SP3: variants seen among roughly 807,000 people sequenced by gnomAD.
SP3 encodes transcription factor Sp3.
In SP3, 10 loss-of-function variants were observed where a neutral mutation model predicts 70.3. The ratio of observed to expected loss-of-function variants is 0.14; its 90% CI spans 0.09 to 0.24. SP3 has a LOEUF of 0.24. SP3 is among the 10% of genes least tolerant of loss of function. SP3 has a pLI of 1.00. For missense variants in SP3, 825 were observed against 914.6 expected, an observed-to-expected ratio of 0.90 and a Z score of 1.26; for synonymous variants, 402 against 333.5, an observed-to-expected ratio of 1.21 and a Z score of -2.24.
At chr2:173,943,374 T>C (rs928422022) in intron 4 of SP3, among the ~76,000 whole-genome samples, 2 of 152,240 alleles carry the variant, frequency 1.3e-5, no homozygotes, top group African/African-American at 4.8e-5. Context: ...GACAGGCTCC[T>C]TTATCAATGT....
intron 4 of SP3, among the ~76,000 whole-genome samples, chr2:173,937,107 A>G (rs1256529185): frequency 6.6e-6 from 1 of 152,208 alleles, no homozygotes; most frequent in African/African-American, 2.4e-5. Context: ...TCTACAGACA[A>G]TACAAAAAAA....
intron 5 of SP3, chr2:173,914,349 G>C (rs1318783918): frequency 6.6e-6 from 1 of 151,708 alleles, no homozygotes; most frequent in Non-Finnish European, 1.5e-5. Flanking sequence ...GGCATATCCT[G>C]TAAAACTTTC....
intron 3 of SP3, among the ~76,000 whole-genome samples, chr2:173,957,964 T>C (rs550233743): frequency 2.1e-4 from 32 of 152,296 alleles, no homozygotes; most frequent in African/African-American, 7.0e-4. Context: ...TAAGTCACCT[T>C]TCCTAACATT....
Position 173,913,093 on chromosome 2 carries a change from T to A in SP3, c.2006A>T (p.Gln669Leu). 6.2e-7 allele frequency: 1 copy of A among 1,610,954 alleles called. No individual in the cohort carries two copies. The highest frequency in any genetic ancestry group is 8.5e-7 in the Non-Finnish European group (1 of 1,178,202). The change falls in exon 6 of 7, where the codon CAG (glutamine) becomes CTG (leucine). Residue 669 changes from glutamine (Q) to leucine (L), a missense_variant. By Grantham distance (113) the Gln-to-Leu change is moderately radical. Around this residue, in one of 4 missense-constraint regions of SP3, gnomAD observed 19 missense variants for 99.4 expected, o/e 0.19. Transcript: ENST00000310015. The stretch of plus-strand genomic sequence containing the variant: ...ACCTGTATGTGTTCTTCTGTGCCTC[T>A]GTAATTCATCACTTCGAGTAAATCT... ...GKRFTRSDEL[Q>L]RHRRTHTGEK... is the part of the protein sequence containing the mutation.
At chr2:173,964,178 C>T in intron 2 of SP3, 2 of 447,880 alleles carry the variant, frequency 4.5e-6, no homozygotes. Flanking sequence ...CACGCTGGGG[C>T]CCACACTCAC....
At chr2:173,937,377 T>C (rs564408764) in intron 4 of SP3, among the ~76,000 whole-genome samples, 5 of 152,256 alleles carry the variant, frequency 3.3e-5, no homozygotes, top group East Asian at 1.9e-4. Context: ...TGCAGGGAAA[T>C]AGCCTAAACA....
intron 4 of SP3, among the ~76,000 whole-genome samples, chr2:173,952,174 T>A (rs1312178164): frequency 6.6e-6 from 1 of 151,980 alleles, no homozygotes; most frequent in Non-Finnish European, 1.5e-5. Flanking sequence ...TATCATTCTT[T>A]CAAGTAAAAA....
intron 3 of SP3, among the ~76,000 whole-genome samples, chr2:173,960,238 T>C (rs1691023527): frequency 6.6e-6 from 1 of 152,226 alleles, no homozygotes; most frequent in African/African-American, 2.4e-5. Context: ...ACTAAGGCAC[T>C]CTAAGTCTCT....
Position 173,910,097 on chromosome 2 carries a change from T to C in SP3, c.2190A>G (p.Ala730=), listed in dbSNP as rs772543416. 1.9e-6 allele frequency: 3 copies of C among 1,612,360 alleles called. No individual in the cohort carries two copies. The highest frequency in any genetic ancestry group is 2.5e-6 in the Non-Finnish European group (3 of 1,178,680). The part of the protein sequence containing the change: ...EAARDDTLIT[A]GGTTLILANI... ...TTGCAAGGATAAGCGTTGTTCCTCC[T>C]GCAGTAATCAAAGTATCATCTCGCG... Residue 730 remains alanine, a synonymous_variant, in exon 7 of 7, where the codon GCA becomes GCG. Transcript: ENST00000310015.
At chr2:173,931,438 G>C (rs1262885605) in intron 4 of SP3, among the ~76,000 whole-genome samples, 3 of 152,124 alleles carry the variant, frequency 2.0e-5, no homozygotes, top group Non-Finnish European at 4.4e-5. Flanking sequence ...CCACCTCCCG[G>C]GTTCAAGCGA....
At position 173,908,087 on chromosome 2, in the gene SP3, TTA is replaced by T. The variant is rs1452297736; in HGVS notation, c.*1852_*1853del. 1 of 151,996 alleles carries T rather than the reference TTA, an allele frequency of 6.6e-6. No homozygotes were observed. The highest frequency in any genetic ancestry group is 2.4e-5 in the African/African-American group (1 of 41,418). The allele number at this position is 151,996 out of a possible 1,614,324, so 9.4% of individuals were successfully genotyped here. A position where few individuals can be genotyped will look rare whatever the true frequency, so the allele number is the denominator to read the frequency against. On this transcript the variant is annotated 3_prime_UTR_variant, in exon 7 of 7. Transcript: ENST00000310015. ...AATACTCTTTCCTCCTACTCTGCCT[TTA>T]TAATGATGAAACACATGCAAATTCA... is the stretch of plus-strand genomic sequence containing the variant.
intron 4 of SP3, among the ~76,000 whole-genome samples, chr2:173,921,460 G>A (rs1266157920): frequency 6.6e-6 from 1 of 152,136 alleles, no homozygotes; most frequent in African/African-American, 2.4e-5. Context: ...AGACCGAAGC[G>A]GGAGAAACGA....
At chr2:173,925,222 T>G (rs144984767) in intron 4 of SP3, among the ~76,000 whole-genome samples, 1 of 152,212 alleles carries the variant, frequency 6.6e-6, no homozygotes, top group Admixed American at 6.5e-5. Context: ...ATGTGAAATA[T>G]TCTATTGTAT....
At chr2:173,947,605 GCTT>G (rs1488527652) in intron 4 of SP3, among the ~76,000 whole-genome samples, 5 of 152,040 alleles carry the variant, frequency 3.3e-5, no homozygotes, top group African/African-American at 1.2e-4. Context: ...AGATGCTATT[GCTT>G]CTTTTATCTC....
At chr2:173,911,813 CTTT>C (rs11448837) in intron 6 of SP3, among the ~76,000 whole-genome samples, 3,610 of 97,950 alleles carry the variant, frequency 0.037, 56 homozygotes, top group Admixed American at 0.098. Context: ...TTTTATCTAC[CTTT>C]TTTTTTTTTT....
At chr2:173,928,462 A>AC (rs1201972519) in intron 4 of SP3, among the ~76,000 whole-genome samples, 1 of 152,042 alleles carries the variant, frequency 6.6e-6, no homozygotes, top group Non-Finnish European at 1.5e-5. Flanking sequence ...CAACCAACCA[A>AC]CAACAACAAA....
intron 4 of SP3, among the ~76,000 whole-genome samples, chr2:173,940,511 G>C (rs952205046): frequency 6.6e-6 from 1 of 152,170 alleles, no homozygotes; most frequent in African/African-American, 2.4e-5. Context: ...TGGTCTAGGA[G>C]ACCAGTAAGA....
intron 3 of SP3, among the ~76,000 whole-genome samples, chr2:173,962,205 A>G (rs969783054): frequency 6.6e-6 from 1 of 152,194 alleles, no homozygotes; most frequent in African/African-American, 2.4e-5. Context: ...ATATGTATGT[A>G]CATACACATA....
chr2:173,958,778 GAA>G, intron 3 of SP3, among the ~76,000 whole-genome samples: 1 of 139,708 alleles, frequency 7.2e-6, no homozygotes, highest in Admixed American at 7.1e-5. Flanking sequence ...TATTACACAA[GAA>G]AAAAAAAAAA....
Sources: gnomAD v4.1 joint callset for allele counts (sites outside exome capture counted in the v4.1 genomes callset) on GRCh38, gnomAD v4.1.1 for gene constraint, gnomAD v4.1.1 regional missense constraint, MANE v1.5 for transcripts, NCBI Gene and HGNC (gene_info 2026-07-23, HGNC 2026-07-21) for gene names.